The following CHD9 variants were observed in gnomAD, a reference collection of about 807,000 sequenced individuals.
CHD9 encodes the protein ATP-dependent chromatin remodeler CHD9.
A neutral mutation model predicts 316.1 loss-of-function variants in CHD9; 77 were observed. The observed-to-expected ratio is 0.24, with a 90% CI of 0.20 to 0.29. The LOEUF (loss-of-function observed/expected upper bound fraction) is 0.29. Ranked by LOEUF, CHD9 falls within the 10% of genes least tolerant of loss-of-function variation. The pLI is 1.00. For synonymous variants in CHD9, 1,129 were observed against 1,158.3 expected, an observed-to-expected ratio of 0.97 and a Z score of 0.51; for missense variants, 2,763 against 3,438.1, an observed-to-expected ratio of 0.80 and a Z score of 4.91.
chr16:53,325,251 A>G lies in CHD9; in HGVS notation c.*356A>G, dbSNP rs907370367. On this transcript the variant is annotated 3_prime_UTR_variant, in exon 39 of 39. Coordinates refer to ENST00000447540, the MANE Select transcript of CHD9 (RefSeq NM_001308319.2). ...CATATTACTGATTTAATTTGAATAT[A>G]GTTTTACAGCCTCCTTGACACCTAT... is the stretch of plus-strand genomic sequence containing the variant. The G allele has an allele frequency of 3.6e-5, 6 of 165,368 alleles. No homozygotes were observed. The highest frequency in any genetic ancestry group is 1.2e-4 in the African/African-American group (5 of 41,758). 10.2% of individuals were successfully genotyped at this position (165,368 alleles called of 1,614,324 possible).
intron 1 of CHD9, chr16:53,131,332 CGCT>C (rs1357390532): frequency 1.4e-5 from 2 of 142,692 alleles, no homozygotes; most frequent in African/African-American, 2.7e-5. Context: ...CCGCCGCCGC[CGCT>C]GCTCGGCCGG....
intron 34 of CHD9, 42 bp downstream of exon 34, chr16:53,308,896 C>A: frequency 1.3e-6 from 2 of 1,489,978 alleles, no homozygotes; most frequent in Non-Finnish European, 1.8e-6. Context: ...GAAATATTTT[C>A]TGTCATGTCC....
chr16:53,084,726 A>G (rs2152541087), intron 1 of CHD9, among the ~76,000 whole-genome samples: 1 of 152,316 alleles, frequency 6.6e-6, no homozygotes, highest in East Asian at 1.9e-4. Flanking sequence ...CTGGCAACAG[A>G]GTGAGACTTC....
intron 1 of CHD9, among the ~76,000 whole-genome samples, chr16:53,106,346 G>C (rs751517906): frequency 6.6e-6 from 1 of 152,138 alleles, no homozygotes; most frequent in African/African-American, 2.4e-5. Flanking sequence ...CAGAATGTTT[G>C]CATTTGAAAA....
chr16:53,148,431 A>G (rs1204737250), intron 1 of CHD9, among the ~76,000 whole-genome samples: 1 of 152,108 alleles, frequency 6.6e-6, no homozygotes, highest in Admixed American at 6.5e-5. Flanking sequence ...GAACCACCAC[A>G]CTATTTTCCA....
At chr16:53,132,734 C>T (rs1376697295) in intron 1 of CHD9, among the ~76,000 whole-genome samples, 4 of 149,564 alleles carry the variant, frequency 2.7e-5, no homozygotes, top group Non-Finnish European at 5.9e-5. Context: ...TTCTATTGCT[C>T]GAAGCAAGTT....
chr16:53,095,847 A>G (rs957096469), intron 1 of CHD9, among the ~76,000 whole-genome samples: 5 of 152,216 alleles, frequency 3.3e-5, no homozygotes, highest in African/African-American at 1.2e-4. Flanking sequence ...ATCAATTTAC[A>G]ATCCCAGTAA....
intron 1 of CHD9, among the ~76,000 whole-genome samples, chr16:53,078,742 C>G (rs1018127535): frequency 9.9e-5 from 15 of 152,232 alleles, no homozygotes; most frequent in Admixed American, 8.5e-4. Context: ...TCCCTCCCCA[C>G]TTCCATTCCC....
intron 2 of CHD9, among the ~76,000 whole-genome samples, chr16:53,172,647 T>C (rs1222311663): frequency 6.6e-6 from 1 of 152,168 alleles, no homozygotes; most frequent in Non-Finnish European, 1.5e-5. Context: ...TGTCTAAGAG[T>C]TCCGTTCGCT....
rs1005125933 is a variant in CHD9, at chr16:53,246,815, C to T, written c.3455-478C>T. Among the ~76,000 whole-genome samples, 9 of 152,232 alleles carry T rather than the reference C, an allele frequency of 5.9e-5. 1 individual carries two copies. The highest frequency in any genetic ancestry group is 4.6e-4 in the Admixed American group (7 of 15,294). ...CTGAAATTACAGGCACGAGCCACTG[C>T]ACCTAGCCTTAATTTTTTCTTGTTT... is the stretch of plus-strand genomic sequence containing the variant. On this transcript the variant is annotated intron_variant, in intron 15 of 38. Coordinates refer to ENST00000447540, the MANE Select transcript of CHD9 (RefSeq NM_001308319.2).
At chr16:53,296,866 T>G in intron 29 of CHD9, 90 bp from the exon 30 acceptor site, 1 of 853,700 alleles carries the variant, frequency 1.2e-6, no homozygotes, top group Non-Finnish European at 1.8e-6. Flanking sequence ...ACTTGAAATG[T>G]TTTAAGTTTG....
intron 1 of CHD9, among the ~76,000 whole-genome samples, chr16:53,120,063 A>AC (rs1215976554): frequency 2.3e-5 from 2 of 88,066 alleles, no homozygotes. Context: ...CCATCTCCAC[A>AC]AAAAAAAAAA....
intron 29 of CHD9, among the ~76,000 whole-genome samples, chr16:53,293,438 G>T (rs1303385417): frequency 6.6e-6 from 1 of 150,564 alleles, no homozygotes; most frequent in Non-Finnish European, 1.5e-5. Flanking sequence ...AACAAAGCAA[G>T]ACCCTCATCT....
intron 30 of CHD9, among the ~76,000 whole-genome samples, chr16:53,302,066 C>T (rs1017061856): frequency 6.6e-6 from 1 of 152,122 alleles, no homozygotes; most frequent in African/African-American, 2.4e-5. Context: ...CCTGGCCCTT[C>T]CTCTCTTAAT....
intron 1 of CHD9, among the ~76,000 whole-genome samples, chr16:53,119,384 C>A (rs570611450): frequency 2.8e-4 from 42 of 147,860 alleles, no homozygotes; most frequent in Middle Eastern, 3.5e-3. Flanking sequence ...AAAAAAAAAA[C>A]AAAACAAGAT....
intron 2 of CHD9, among the ~76,000 whole-genome samples, chr16:53,160,052 G>A (rs558223200): frequency 6.6e-6 from 1 of 152,080 alleles, no homozygotes; most frequent in African/African-American, 2.4e-5. Flanking sequence ...TTGTGATTTT[G>A]CTCCCCCTAC....
At chr16:53,231,574 A>G in intron 9 of CHD9, 69 bp downstream of exon 9, 1 of 1,387,818 alleles carries the variant, frequency 7.2e-7, no homozygotes, top group South Asian at 1.3e-5. Flanking sequence ...AAGACCTAGT[A>G]CTTTATTCTC....
chr16:53,245,597 A>C lies in CHD9; in HGVS notation c.3201A>C (p.Val1067=), dbSNP rs1597617775. 6.4e-7 allele frequency: 1 copy of C among 1,558,326 alleles called. No individual in the cohort carries two copies. The highest frequency in any genetic ancestry group is 2.3e-5 in the East Asian group (1 of 44,294). ...EFGDLKTEEQ[V]QKLQAILKPM... ...TCTTTTTATCATTTTTTATTCAGGT[A>C]CAGAAACTTCAGGCTATCCTGAAAC... Residue 1067 remains valine, a splice_region_variant and synonymous_variant, in exon 15 of 39, where the codon GTA becomes GTC. Coordinates refer to ENST00000447540, the MANE Select transcript of CHD9 (RefSeq NM_001308319.2). This position sits in a 1 kb window ranked among gnomAD's most constrained non-coding sequence, Gnocchi z 4.1.
chr16:53,116,419 C>A (rs2038308759), intron 1 of CHD9, among the ~76,000 whole-genome samples: 1 of 152,196 alleles, frequency 6.6e-6, no homozygotes, highest in Non-Finnish European at 1.5e-5. Context: ...AGTACACACT[C>A]TGCAAGAGAA....
Sources: allele counts gnomAD v4.1 joint callset (sites outside exome capture counted in the v4.1 genomes callset), GRCh38; gene constraint gnomAD v4.1.1; non-coding constraint Gnocchi (gnomAD v3.1); transcripts MANE v1.5; gene names NCBI Gene and HGNC (gene_info 2026-07-23, HGNC 2026-07-21).